The following NOX4 variants were observed in gnomAD, a reference collection of about 807,000 sequenced individuals.
NOX4 encodes kidney oxidase-1.
In NOX4, 69 loss-of-function variants were observed where a neutral mutation model predicts 87.6. The observed-to-expected ratio is 0.79, with a 90% CI of 0.65 to 0.96. NOX4 has a LOEUF of 0.96. NOX4 is among the 40% of genes least tolerant of loss of function. NOX4 has a pLI of 0.00. For missense variants in NOX4, 680 were observed against 681.5 expected (o/e 1.00, Z 0.02); for synonymous variants, 275 against 238.2 (o/e 1.15, Z -1.42).
the NOX4 span, among the ~76,000 whole-genome samples, chr11:89,536,993 G>A: frequency 1.3e-5 from 2 of 152,142 alleles, no homozygotes; most frequent in Non-Finnish European, 2.9e-5. Context: ...TTGTACATCT[G>A]AACTACACAA....
the NOX4 span, among the ~76,000 whole-genome samples, chr11:89,550,466 G>T: frequency 2.0e-5 from 3 of 152,126 alleles, no homozygotes; most frequent in Admixed American, 2.0e-4. Flanking sequence ...GATTACAGGT[G>T]TAAGCCATAA....
At chr11:89,422,884 C>T (rs1313747608) in intron 7 of NOX4, among the ~76,000 whole-genome samples, 1 of 150,870 alleles carries the variant, frequency 6.6e-6, no homozygotes, top group East Asian at 2.0e-4. Context: ...ACTGCAACCT[C>T]CACCTTCCAG....
At chr11:89,440,865 A>G (rs1944425787) in intron 5 of NOX4, 150 bp from the exon 6 acceptor site, 2 of 484,872 alleles carry the variant, frequency 4.1e-6, no homozygotes, top group African/African-American at 2.0e-5. Flanking sequence ...ATTAAGTTTC[A>G]TAACATTTTC....
rs189358837 is a variant in NOX4 at position 89,354,295 on chromosome 11, T to C, written c.1217+667A>G. On this transcript the variant is annotated intron_variant, in intron 13 of 17. Transcript: ENST00000263317. ...AGGAGGCCCCAAGATGCCACAGGAA[T>C]GATCAAGATTCAGCATGCGTCAGTC... is the stretch of plus-strand genomic sequence containing the variant. Among the ~76,000 whole-genome samples, 5 of 152,238 alleles carry C rather than the reference T, an allele frequency of 3.3e-5. No individual in the cohort carries two copies. The East Asian group carries it at 9.7e-4, about 29-fold the overall frequency.
chr11:89,554,066 C>A, the NOX4 span, among the ~76,000 whole-genome samples: 1 of 150,452 alleles, frequency 6.6e-6, no homozygotes. Context: ...TGAAAAAAGT[C>A]TTTCCTAGGT....
At chr11:89,511,566 A>T in the NOX4 span, among the ~76,000 whole-genome samples, 34 of 152,112 alleles carry the variant, frequency 2.2e-4, no homozygotes, top group African/African-American at 8.2e-4. Context: ...TCTAATTGCT[A>T]ACAGAAATTC....
intron 13 of NOX4, among the ~76,000 whole-genome samples, chr11:89,353,815 G>A (rs1444905702): frequency 3.3e-5 from 5 of 152,244 alleles, no homozygotes; most frequent in African/African-American, 4.8e-5. Flanking sequence ...ACAAATAGGC[G>A]TGCACCAATC....
At chr11:89,576,905 C>T in the NOX4 span, 1 of 152,044 alleles carries the variant, frequency 6.6e-6, no homozygotes, top group Non-Finnish European at 1.5e-5. Context: ...TCTTTAACTT[C>T]ATATATACAC....
chr11:89,462,501 T>C (rs1945514485), intron 2 of NOX4, among the ~76,000 whole-genome samples: 1 of 152,122 alleles, frequency 6.6e-6, no homozygotes, highest in Non-Finnish European at 1.5e-5. Context: ...GTTTCTTGTG[T>C]ATAGATAGAT....
intron 14 of NOX4, among the ~76,000 whole-genome samples, chr11:89,340,759 C>T (rs1292139254): frequency 1.3e-5 from 2 of 152,138 alleles, no homozygotes; most frequent in Non-Finnish European, 2.9e-5. Flanking sequence ...ATAAAGTAGG[C>T]TTGAGGTTAA....
chr11:89,354,283 A>G (rs1937816750), intron 13 of NOX4, among the ~76,000 whole-genome samples: 1 of 152,142 alleles, frequency 6.6e-6, no homozygotes, highest in Non-Finnish European at 1.5e-5. Flanking sequence ...AGGCCCCAAG[A>G]TGCCACAGGA....
At chr11:89,355,436 A>C (rs1937968173) in intron 12 of NOX4, among the ~76,000 whole-genome samples, 1 of 149,188 alleles carries the variant, frequency 6.7e-6, no homozygotes, top group South Asian at 2.1e-4. Context: ...TATTTCTCAT[A>C]TATAAATATA....
chr11:89,439,046 CTAA>C (rs1200481714), intron 6 of NOX4, among the ~76,000 whole-genome samples: 19 of 123,988 alleles, frequency 1.5e-4, no homozygotes, highest in South Asian at 2.4e-4. Flanking sequence ...AGTAACAATA[CTAA>C]TAATAATACT....
At chr11:89,424,368 A>AT (rs1943256480) in intron 7 of NOX4, among the ~76,000 whole-genome samples, 1 of 150,988 alleles carries the variant, frequency 6.6e-6, no homozygotes, top group Admixed American at 6.6e-5. Flanking sequence ...GAAACCTAAT[A>AT]ATTACCATTA....
intron 8 of NOX4, among the ~76,000 whole-genome samples, chr11:89,419,869 G>GT (rs535996378): frequency 4.0e-5 from 6 of 151,574 alleles, no homozygotes; most frequent in African/African-American, 7.2e-5. Flanking sequence ...CAAAGAAATA[G>GT]TTTTTTTTCA....
chr11:89,347,408 T>A (rs1946264212), intron 13 of NOX4, among the ~76,000 whole-genome samples: 1 of 152,214 alleles, frequency 6.6e-6, no homozygotes, highest in Non-Finnish European at 1.5e-5. Context: ...ACAACGAGAA[T>A]GGTGATGAGA....
intron 2 of NOX4, among the ~76,000 whole-genome samples, chr11:89,457,372 C>T (rs750539031): frequency 2.6e-5 from 4 of 152,236 alleles, no homozygotes; most frequent in Non-Finnish European, 4.4e-5. Context: ...CTGCCACTGC[C>T]ATAGGCATGA....
the NOX4 span, among the ~76,000 whole-genome samples, chr11:89,573,151 CT>C: frequency 6.6e-6 from 1 of 152,152 alleles, no homozygotes; most frequent in African/African-American, 2.4e-5. Flanking sequence ...TATAAGACCC[CT>C]GAGACAATAT....
the NOX4 span, among the ~76,000 whole-genome samples, chr11:89,550,163 G>T: frequency 6.7e-6 from 1 of 150,334 alleles, no homozygotes; most frequent in Non-Finnish European, 1.5e-5. Flanking sequence ...AGTATCGGTT[G>T]TTTCCTGATT....
Sources: allele counts gnomAD v4.1 joint callset (sites outside exome capture counted in the v4.1 genomes callset), GRCh38; gene constraint gnomAD v4.1.1; transcripts MANE v1.5; gene names NCBI Gene and HGNC (gene_info 2026-07-23, HGNC 2026-07-21).